Variants in POLB observed in about 807,000 individuals in gnomAD.
POLB encodes 5'-dRP lyase.
A neutral mutation model predicts 52.7 loss-of-function variants in POLB; 37 were observed. The observed-to-expected ratio is 0.70, with a 90% CI of 0.54 to 0.92. The LOEUF (loss-of-function observed/expected upper bound fraction) is 0.92. Ranked by LOEUF, POLB falls within the 40% of genes least tolerant of loss-of-function variation. POLB has a pLI of 0.00. For synonymous variants in POLB, 138 were observed against 131.3 expected (o/e 1.05, Z -0.35); for missense variants, 313 against 400.8 (o/e 0.78, Z 1.87).
At chr8:42,356,656 C>T (rs769300982) in intron 7 of POLB, among the ~76,000 whole-genome samples, 2 of 151,954 alleles carry the variant, frequency 1.3e-5, no homozygotes, top group African/African-American at 4.8e-5. Context: ...TCTGTCTCTA[C>T]GGATTTGCCT....
intron 6 of POLB, chr8:42,354,503 C>A (rs1211425970): frequency 4.8e-6 from 6 of 1,257,806 alleles, no homozygotes; most frequent in Non-Finnish European, 5.2e-6. Flanking sequence ...TATGACAATT[C>A]TTAAGTTAAA....
intron 6 of POLB, 74 bp from the exon 7 acceptor site, chr8:42,355,442 G>A: frequency 1.3e-6 from 1 of 795,854 alleles, no homozygotes; most frequent in Admixed American, 2.1e-5. Flanking sequence ...TTATAAAAAG[G>A]GTCATTGAGT....
At chr8:42,371,384 A>G (rs763232380) in intron 13 of POLB, among the ~76,000 whole-genome samples, 179 bp from the exon 14 acceptor site, 79 of 151,816 alleles carry the variant, frequency 5.2e-4, no homozygotes, top group Non-Finnish European at 9.7e-4. Context: ...CGGCCTCCCA[A>G]ATTGCTGGGA....
rs1179386751 is a variant in POLB, at chr8:42,350,033, C to T, written c.288C>T (p.Ser96=). 1 of 1,608,532 alleles carries T rather than the reference C, an allele frequency of 6.2e-7. No individual in the cohort carries two copies. The highest frequency in any genetic ancestry group is 1.1e-5 in the South Asian group (1 of 90,950). The change falls in exon 5 of 14, where the codon TCC becomes TCT. Residue 96 remains serine, a synonymous_variant. Coordinates refer to ENST00000265421, the MANE Select transcript of POLB (RefSeq NM_002690.3). ...TTCGGCAGGATGATACGAGTTCATCCATCAATTTCCTGACTCGAGTTAGTG... is the reference window on the plus strand; with the variant it reads ...TTCGGCAGGATGATACGAGTTCATCTATCAATTTCCTGACTCGAGTTAGTG... ...EKIRQDDTSS[S]INFLTRVSGI...
At chr8:42,361,272 A>G (rs3136770) in intron 9 of POLB, 23 bp from the exon 10 acceptor site, 1 of 1,570,338 alleles carries the variant, frequency 6.4e-7, no homozygotes, top group Non-Finnish European at 8.8e-7. Flanking sequence ...GGACAATCTC[A>G]TATGTGTCTT....
At chr8:42,347,187 C>T (rs1822673114) in intron 3 of POLB, among the ~76,000 whole-genome samples, 1 of 151,720 alleles carries the variant, frequency 6.6e-6, no homozygotes, top group Non-Finnish European at 1.5e-5. Context: ...TTGTAAAAAT[C>T]TCATCATTAT....
intron 11 of POLB, among the ~76,000 whole-genome samples, chr8:42,368,010 A>G (rs1417213969): frequency 6.6e-6 from 1 of 152,228 alleles, no homozygotes; most frequent in Non-Finnish European, 1.5e-5. Flanking sequence ...ACCCAAATGA[A>G]ATGCCAAACA....
At chr8:42,338,819 C>T in intron 1 of POLB, 134 bp downstream of exon 1, 1 of 1,001,662 alleles carries the variant, frequency 1.0e-6, no homozygotes, top group Non-Finnish European at 1.5e-6. Flanking sequence ...GTGGGGATCT[C>T]CCTCCGGCGC....
intron 11 of POLB, among the ~76,000 whole-genome samples, chr8:42,363,678 A>T (rs1485506746): frequency 6.6e-6 from 1 of 152,156 alleles, no homozygotes; most frequent in Non-Finnish European, 1.5e-5. Flanking sequence ...TTCTTCAATA[A>T]GTAACGTAGT....
chr8:42,356,086 T>C (rs1399768414), intron 7 of POLB, among the ~76,000 whole-genome samples: 4 of 152,256 alleles, frequency 2.6e-5, no homozygotes, highest in Admixed American at 1.3e-4. Context: ...GTGCCAGATA[T>C]AGTCTGGGAA....
intron 5 of POLB, among the ~76,000 whole-genome samples, chr8:42,350,732 A>G (rs1303048889): frequency 2.0e-5 from 3 of 152,084 alleles, no homozygotes. Flanking sequence ...AAATATAATG[A>G]TTTGTTCTTT....
intron 9 of POLB, among the ~76,000 whole-genome samples, chr8:42,360,064 C>T (rs1823579242): frequency 6.6e-6 from 1 of 151,540 alleles, no homozygotes; most frequent in African/African-American, 2.4e-5. Context: ...TCTCCTGCCT[C>T]AACCTCCTGA....
At chr8:42,352,277 A>C (rs1049550528) in intron 5 of POLB, among the ~76,000 whole-genome samples, 1 of 152,206 alleles carries the variant, frequency 6.6e-6, no homozygotes, top group Admixed American at 6.5e-5. Flanking sequence ...CCATCTGTAC[A>C]TGGGCACTAT....
chr8:42,339,266 A>G, intron 2 of POLB, 197 bp downstream of exon 2: 2 of 590,438 alleles, frequency 3.4e-6, no homozygotes, highest in Non-Finnish European at 3.1e-6. Context: ...TAAGTTCCCA[A>G]TTCTGATTGC....
chr8:42,350,065 G>A lies in POLB; in HGVS notation c.320G>A (p.Gly107Asp). 1 of 1,581,100 alleles carries A rather than the reference G, an allele frequency of 6.3e-7. No individual in the cohort carries two copies. Among genetic ancestry groups the A allele is most frequent in the Non-Finnish European group, 8.7e-7 (1 of 1,149,960 alleles). The change falls in exon 5 of 14, where the codon GGT (glycine) becomes GAT (aspartate). Residue 107 changes from glycine (G) to aspartate (D), a missense_variant and splice_region_variant. Coordinates refer to ENST00000265421, the MANE Select transcript of POLB (RefSeq NM_002690.3). ...TTCCTGACTCGAGTTAGTGGCATTGGGTAAGAACTATTTTTTAAGCAGACA... is the reference window on the plus strand; with the variant it reads ...TTCCTGACTCGAGTTAGTGGCATTGAGTAAGAACTATTTTTTAAGCAGACA... ...INFLTRVSGI[G>D]PSAARKFVDE...
chr8:42,343,856 G>A (rs79726241), intron 2 of POLB, among the ~76,000 whole-genome samples: 5,065 of 152,290 alleles, frequency 0.033, 95 homozygotes, highest in Non-Finnish European at 0.039. Context: ...CGTAGGCCAG[G>A]CGTGGTGGCT....
chr8:42,360,764 G>C (rs1480528632), intron 9 of POLB, among the ~76,000 whole-genome samples: 1 of 150,814 alleles, frequency 6.6e-6, no homozygotes, highest in East Asian at 1.9e-4. Flanking sequence ...AAAAAAAAAA[G>C]AGAGTGCCTG....
intron 9 of POLB, among the ~76,000 whole-genome samples, chr8:42,359,718 C>T (rs1460960004): frequency 6.6e-6 from 1 of 151,320 alleles, no homozygotes; most frequent in African/African-American, 2.4e-5. Flanking sequence ...TATCATACTT[C>T]ATTTGTTTAT....
intron 5 of POLB, among the ~76,000 whole-genome samples, chr8:42,350,920 G>C (rs772745051): frequency 5.9e-5 from 9 of 151,484 alleles, no homozygotes; most frequent in Non-Finnish European, 1.0e-4. Context: ...ATCTAGGCTA[G>C]AGTGCAGTGG....
Sources: gnomAD v4.1 joint callset for allele counts (sites outside exome capture counted in the v4.1 genomes callset) on GRCh38, gnomAD v4.1.1 for gene constraint, MANE v1.5 for transcripts, NCBI Gene and HGNC (gene_info 2026-07-23, HGNC 2026-07-21) for gene names.